Variants in LPP observed in about 807,000 individuals in gnomAD.
LPP encodes LIM domain containing preferred translocation partner in lipoma, also known as lipoma-preferred partner.
LPP carries 38 observed loss-of-function variants against 60.4 expected under a neutral mutation model. That is an observed-to-expected ratio of 0.63 (90% CI 0.49 to 0.83). The LOEUF (loss-of-function observed/expected upper bound fraction) is 0.83. LPP is among the 40% of genes least tolerant of loss of function. LPP has a pLI of 0.00. For synonymous variants in LPP, 328 were observed against 290.8 expected, an observed-to-expected ratio of 1.13 and a Z score of -1.30; for missense variants, 902 against 783.6, an observed-to-expected ratio of 1.15 and a Z score of -1.80.
chr3:188,622,136 A>G (rs953430494), intron 7 of LPP, among the ~76,000 whole-genome samples: 2 of 152,142 alleles, frequency 1.3e-5, no homozygotes, highest in Non-Finnish European at 2.9e-5. Context: ...CATCACCCAG[A>G]TGGCAATACA....
At chr3:188,804,243 T>TATATATA (rs1553853278) in intron 9 of LPP, among the ~76,000 whole-genome samples, 1 of 37,698 alleles carries the variant, frequency 2.7e-5, no homozygotes, top group Non-Finnish European at 4.3e-5. Context: ...TAGTGCATCT[T>TATATATA]TATATATATA....
intron 9 of LPP, among the ~76,000 whole-genome samples, chr3:188,828,209 A>G (rs1483836775): frequency 6.6e-6 from 1 of 152,104 alleles, no homozygotes; most frequent in African/African-American, 2.4e-5. Flanking sequence ...GAATATTGGA[A>G]GGAAGTACAT....
chr3:188,293,630 T>C lies in LPP; in HGVS notation c.-66-48033T>C, dbSNP rs543480533. ...TTGGTAGATGGGAGGTTATTTTATTTTTAAGAAGTAGATTGGCTGAATGGA... is the reference window on the plus strand; with the variant it reads ...TTGGTAGATGGGAGGTTATTTTATTCTTAAGAAGTAGATTGGCTGAATGGA... On this transcript the variant is annotated intron_variant, in intron 2 of 11. Coordinates refer to ENST00000617246, the MANE Select transcript of LPP (RefSeq NM_001375462.1). Among the ~76,000 whole-genome samples, 8 of 152,304 alleles carry C rather than the reference T, an allele frequency of 5.3e-5. No individual in the cohort carries two copies. The South Asian group carries it at 1.7e-3, about 32-fold the overall frequency.
chr3:188,373,746 C>G (rs1774035383), intron 3 of LPP, among the ~76,000 whole-genome samples: 1 of 151,968 alleles, frequency 6.6e-6, no homozygotes, highest in Admixed American at 6.6e-5. Context: ...CTTTTGTTGC[C>G]ATTGCTTTTG....
intron 2 of LPP, chr3:188,240,246 A>T (rs147095626): frequency 5.8e-6 from 1 of 173,896 alleles, no homozygotes; most frequent in Non-Finnish European, 1.2e-5. Context: ...ATCAAATTTT[A>T]AGCCAAAAAG....
intron 9 of LPP, among the ~76,000 whole-genome samples, chr3:188,856,784 T>C (rs1038687849): frequency 6.6e-6 from 1 of 152,182 alleles, no homozygotes; most frequent in African/African-American, 2.4e-5. Flanking sequence ...TAGTAGGAAT[T>C]ATGAAAGCTG....
chr3:188,855,970 G>A (rs1473044603), intron 9 of LPP, among the ~76,000 whole-genome samples: 2 of 152,118 alleles, frequency 1.3e-5, no homozygotes, highest in Non-Finnish European at 2.9e-5. Context: ...GGGTTGGTTA[G>A]CACTGTGACC....
intron 7 of LPP, among the ~76,000 whole-genome samples, chr3:188,637,357 C>A (rs1849035759): frequency 6.6e-6 from 1 of 152,040 alleles, no homozygotes; most frequent in Non-Finnish European, 1.5e-5. Flanking sequence ...GGGACGCATT[C>A]AAAACAGTGT....
chr3:188,468,092 A>G (rs1378417843), intron 4 of LPP, among the ~76,000 whole-genome samples: 4 of 152,152 alleles, frequency 2.6e-5, no homozygotes, highest in African/African-American at 7.2e-5. Flanking sequence ...CCATTTCCAT[A>G]TGAAAAGAAT....
At chr3:188,571,963 T>C (rs1241985128) in intron 6 of LPP, among the ~76,000 whole-genome samples, 1 of 152,114 alleles carries the variant, frequency 6.6e-6, no homozygotes, top group East Asian at 1.9e-4. Flanking sequence ...CCATTGTCTG[T>C]ACTTGTACAT....
At chr3:188,387,516 A>G (rs1295735642) in intron 3 of LPP, among the ~76,000 whole-genome samples, 1 of 151,964 alleles carries the variant, frequency 6.6e-6, no homozygotes, top group Admixed American at 6.6e-5. Context: ...TACTTCTTCA[A>G]TAATCTTATA....
intron 3 of LPP, among the ~76,000 whole-genome samples, chr3:188,392,299 T>G (rs528455976): frequency 1.3e-5 from 2 of 152,282 alleles, no homozygotes; most frequent in African/African-American, 4.8e-5. Context: ...GGGAGAGTAT[T>G]CTAAACTGTT....
intron 4 of LPP, among the ~76,000 whole-genome samples, chr3:188,469,937 A>G (rs1341390071): frequency 6.6e-6 from 1 of 152,162 alleles, no homozygotes; most frequent in Non-Finnish European, 1.5e-5. Context: ...GTAAAAGGCG[A>G]AAGATTTATA....
At chr3:188,755,857 A>C (rs1730041891) in intron 8 of LPP, among the ~76,000 whole-genome samples, 1 of 112,496 alleles carries the variant, frequency 8.9e-6, no homozygotes, top group Non-Finnish European at 1.8e-5. Flanking sequence ...AAAAAAAAAA[A>C]AAAAAAAACA....
chr3:188,377,067 A>T (rs9827392), intron 3 of LPP, among the ~76,000 whole-genome samples: 63,254 of 152,088 alleles, frequency 0.42, 14,116 homozygotes, highest in East Asian at 0.66. Flanking sequence ...GTTTCTGCCG[A>T]GAGATCTGCT....
At chr3:188,287,653 G>A (rs1309740973) in intron 2 of LPP, among the ~76,000 whole-genome samples, 1 of 152,142 alleles carries the variant, frequency 6.6e-6, no homozygotes, top group Admixed American at 6.5e-5. Context: ...AAAAAAAGAA[G>A]CATTTTATTG....
intron 6 of LPP, among the ~76,000 whole-genome samples, chr3:188,563,015 T>C (rs1831104844): frequency 6.6e-6 from 1 of 151,882 alleles, no homozygotes; most frequent in African/African-American, 2.4e-5. Flanking sequence ...CATTATCACA[T>C]CAAGTCTAGG....
chr3:188,439,869 G>C (rs1004551021), intron 4 of LPP, among the ~76,000 whole-genome samples: 2 of 152,128 alleles, frequency 1.3e-5, no homozygotes, highest in Non-Finnish European at 2.9e-5. Flanking sequence ...CTGTCCTAAA[G>C]GAATCAATCT....
intron 3 of LPP, among the ~76,000 whole-genome samples, chr3:188,400,596 T>C (rs1333896748): frequency 6.6e-6 from 1 of 152,068 alleles, no homozygotes. Context: ...ATTGCTTGCA[T>C]GTGACAATTT....
Sources: gnomAD v4.1 joint callset for allele counts (sites outside exome capture counted in the v4.1 genomes callset) on GRCh38, gnomAD v4.1.1 for gene constraint, MANE v1.5 for transcripts, NCBI Gene and HGNC (gene_info 2026-07-23, HGNC 2026-07-21) for gene names.